The following UGGT1 variants were observed in gnomAD, a reference collection of about 807,000 sequenced individuals.
The protein encoded by UGGT1 is UDP-glucose glycoprotein glucosyltransferase 1.
In UGGT1, 107 loss-of-function variants were observed where a neutral mutation model predicts 203.9. The observed-to-expected ratio is 0.52, with a 90% CI of 0.45 to 0.62. UGGT1 has a LOEUF of 0.62. UGGT1 is among the 20% of genes least tolerant of loss of function. The pLI is 0.00. For missense variants in UGGT1, 1,673 were observed against 1,867.2 expected (o/e 0.90, Z 1.92); for synonymous variants, 628 against 653.5 (o/e 0.96, Z 0.59).
intron 15 of UGGT1, among the ~76,000 whole-genome samples, chr2:128,137,512 T>G (rs1329158252): frequency 2.0e-5 from 3 of 152,182 alleles, no homozygotes; most frequent in Admixed American, 6.5e-5. Context: ...TGTCCTTTCA[T>G]TCTGTTAATA....
rs1381820409 is a variant in UGGT1, at chr2:128,182,117, T to C, written c.4084-13T>C. ...GCATGGTTGCTTAACAAATGACTTT[T>C]TATATTCTCCAGATTGTACGAACAG... On this transcript the variant is annotated splice_polypyrimidine_tract_variant and intron_variant, in intron 36 of 40. Coordinates refer to ENST00000259253, the MANE Select transcript of UGGT1 (RefSeq NM_020120.4). The C allele has an allele frequency of 6.2e-7, 1 of 1,611,708 alleles. No homozygotes were observed. The highest frequency in any genetic ancestry group is 8.5e-7 in the Non-Finnish European group (1 of 1,178,746).
chr2:128,171,128 A>G (rs1691076334), intron 27 of UGGT1, 77 bp from the exon 28 acceptor site: 3 of 1,324,062 alleles, frequency 2.3e-6, no homozygotes, highest in Admixed American at 2.2e-5. Context: ...TTCTTGAGAT[A>G]TTAATAGCTC....
intron 1 of UGGT1, among the ~76,000 whole-genome samples, chr2:128,095,432 C>CCTT (rs1182339361): frequency 1.2e-4 from 2 of 17,300 alleles, no homozygotes; most frequent in Non-Finnish European, 8.8e-4. Flanking sequence ...TTCCCCTCCT[C>CCTT]CTTCTCTTCC....
intron 10 of UGGT1, among the ~76,000 whole-genome samples, chr2:128,122,237 A>G (rs1038308079): frequency 2.0e-5 from 3 of 149,462 alleles, no homozygotes; most frequent in Admixed American, 6.7e-5. Flanking sequence ...TCTGGTGCTC[A>G]AAAGGGGGAA....
chr2:128,092,854 A>C (rs1363576433), intron 1 of UGGT1, among the ~76,000 whole-genome samples: 1 of 152,142 alleles, frequency 6.6e-6, no homozygotes, highest in Non-Finnish European at 1.5e-5. Flanking sequence ...AACTTGTTAA[A>C]GAGTGTTTTC....
rs1009149991 is a variant in UGGT1, at chr2:128,159,645, C to G, written c.2487C>G (p.Phe829Leu). ...AGACTTCCAACGCTGCTAAGAACTT[C>G]ATCACCAAAATGGCCAAGGAGGGGG... ...QTQTSNAAKN[F>L]ITKMAKEGAA... is the part of the protein sequence containing the mutation. Residue 829 changes from phenylalanine (F) to leucine (L), a missense_variant, in exon 23 of 41, where the codon TTC becomes TTG. Phe to Leu is a conservative substitution (Grantham distance 22). Coordinates refer to ENST00000259253, the MANE Select transcript of UGGT1 (RefSeq NM_020120.4). 4.3e-6 allele frequency: 7 copies of G among 1,614,004 alleles called. No individual in the cohort carries two copies. Among genetic ancestry groups the G allele is most frequent in the Non-Finnish European group, 5.9e-6 (7 of 1,180,018 alleles).
rs753868921 is a variant in UGGT1 at position 128,187,313 on chromosome 2, GC to G, written c.4477-135del. On this transcript the variant is annotated intron_variant, in intron 39 of 40. Transcript: ENST00000259253. ...GCTTTACATAGCCCACTACCATATTGCTTCTGGTAGTATATCATTTGGTTCC... is the reference window on the plus strand; with the variant it reads ...GCTTTACATAGCCCACTACCATATTGTTCTGGTAGTATATCATTTGGTTCC... The G allele has an allele frequency of 9.7e-5, 87 of 893,580 alleles. 1 individual carries two copies. The East Asian group carries it at 1.1e-3, about 11-fold the overall frequency. The allele number at this position is 893,580 out of a possible 1,614,324, so 55.4% of individuals were successfully genotyped here.
intron 5 of UGGT1, among the ~76,000 whole-genome samples, chr2:128,111,419 ATAGACT>A (rs1260384762): frequency 8.5e-5 from 13 of 152,338 alleles, no homozygotes; most frequent in African/African-American, 3.1e-4. Context: ...AGTAGAGGAG[ATAGACT>A]TAGTAGAATT....
At chr2:128,130,792 T>G in intron 13 of UGGT1, among the ~76,000 whole-genome samples, 1 of 152,288 alleles carries the variant, frequency 6.6e-6, no homozygotes, top group Non-Finnish European at 1.5e-5. Flanking sequence ...TATTTTTCTT[T>G]CTTTCTTTTG....
intron 34 of UGGT1, 95 bp from the exon 35 acceptor site, chr2:128,179,691 A>C (rs961111388): frequency 2.8e-6 from 3 of 1,056,904 alleles, no homozygotes; most frequent in Middle Eastern, 2.1e-4. Flanking sequence ...GCTCTGCCGT[A>C]AAGAGCATTT....
At chr2:128,169,185 A>C (rs1346056103) in intron 26 of UGGT1, among the ~76,000 whole-genome samples, 2 of 150,656 alleles carry the variant, frequency 1.3e-5, no homozygotes, top group Non-Finnish European at 2.9e-5. Context: ...AGTCTGGTCA[A>C]TATGGTGAGA....
rs367728941 is a variant in UGGT1, at chr2:128,106,034, A to G, written c.278-1904A>G. Among the ~76,000 whole-genome samples the G allele has an allele frequency of 2.0e-5, 3 of 151,554 alleles. No individual in the cohort carries two copies. The East Asian group carries it at 5.8e-4, about 30-fold the overall frequency. On this transcript the variant is annotated intron_variant, in intron 3 of 40. Transcript: ENST00000259253. ...GGTCTCAAACTCCTGGCCTCAAGAC[A>G]TCCCTGCCCTGCCTCTCGCCTTGGC... is the stretch of plus-strand genomic sequence containing the variant.
Position 128,109,671 on chromosome 2 carries a change from C to T in UGGT1, c.446C>T (p.Ser149Leu), listed in dbSNP as rs752208940. The T allele has an allele frequency of 7.4e-6, 12 of 1,614,038 alleles. No individual in the cohort carries two copies. The highest frequency in any genetic ancestry group is 1.3e-5 in the African/African-American group (1 of 75,030). ...ADEPPPEGCN[S>L]FFSVHGKKTC... ...GAACCTCCACCAGAAGGATGTAATT[C>T]GTTTTTTTCAGTGCATGGAAAGAAG... Residue 149 changes from serine (S) to leucine (L), a missense_variant, in exon 5 of 41, where the codon TCG becomes TTG. Around this residue, in one of 4 missense-constraint regions of UGGT1, gnomAD observed 1,073 missense variants for 1,078.7 expected, o/e 0.99. Coordinates refer to ENST00000259253, the MANE Select transcript of UGGT1 (RefSeq NM_020120.4).
At chr2:128,101,244 A>T (rs1033808450) in intron 2 of UGGT1, among the ~76,000 whole-genome samples, 5 of 152,216 alleles carry the variant, frequency 3.3e-5, no homozygotes, top group African/African-American at 1.2e-4. Flanking sequence ...CTGATGTTGG[A>T]TCAAGGTACT....
At chr2:128,145,606 A>T (rs1165555536) in intron 17 of UGGT1, 197 bp from the exon 18 acceptor site, 1 of 542,980 alleles carries the variant, frequency 1.8e-6, no homozygotes, top group African/African-American at 2.0e-5. Context: ...TCAGTAATTC[A>T]ATCTCAGATT....
At chr2:128,128,371 G>A (rs554517613) in intron 12 of UGGT1, among the ~76,000 whole-genome samples, 18 of 150,958 alleles carry the variant, frequency 1.2e-4, no homozygotes, top group Middle Eastern at 3.4e-3. Flanking sequence ...GAGTCCAGTG[G>A]CATGGTCTTG....
intron 26 of UGGT1, among the ~76,000 whole-genome samples, chr2:128,166,703 CATG>C (rs1009284671): frequency 6.6e-5 from 10 of 152,156 alleles, no homozygotes; most frequent in African/African-American, 2.4e-4. Flanking sequence ...GTTGCTTCCT[CATG>C]ATTAGATTTA....
chr2:128,182,944 ATCT>A (rs1691780676), intron 37 of UGGT1, among the ~76,000 whole-genome samples: 1 of 141,324 alleles, frequency 7.1e-6, no homozygotes, highest in South Asian at 2.2e-4. Flanking sequence ...TGTCATATAC[ATCT>A]TCTCAGTGAA....
At chr2:128,179,470 G>T (rs1474909344) in intron 34 of UGGT1, among the ~76,000 whole-genome samples, 1 of 152,102 alleles carries the variant, frequency 6.6e-6, no homozygotes, top group Admixed American at 6.5e-5. Context: ...GATTTCCAGG[G>T]TTCATCTGGA....
Sources: allele counts gnomAD v4.1 joint callset (sites outside exome capture counted in the v4.1 genomes callset), GRCh38; gene constraint gnomAD v4.1.1; regional missense constraint gnomAD v4.1.1; transcripts MANE v1.5; gene names NCBI Gene and HGNC (gene_info 2026-07-23, HGNC 2026-07-21).